The following CMTM4 variants were observed in gnomAD, a reference collection of about 807,000 sequenced individuals.
The protein encoded by CMTM4 is CKLF-like MARVEL transmembrane domain-containing protein 4.
Under a neutral mutation model 19.0 loss-of-function variants are expected in CMTM4, and 8 were observed. The observed-to-expected ratio is 0.42, with a 90% CI of 0.25 to 0.76. CMTM4 has a LOEUF of 0.76. CMTM4 is among the 30% of genes least tolerant of loss of function. The probability of loss-of-function intolerance (pLI) is 0.27; values close to 1 mark genes in which losing one functional copy is unlikely to be tolerated. For missense variants in CMTM4, 228 were observed against 290.2 expected, an observed-to-expected ratio of 0.79 and a Z score of 1.56; for synonymous variants, 106 against 121.1, an observed-to-expected ratio of 0.88 and a Z score of 0.82.
intron 2 of CMTM4, among the ~76,000 whole-genome samples, chr16:66,629,000 G>C (rs761256540): frequency 1.3e-5 from 2 of 152,032 alleles, no homozygotes; most frequent in African/African-American, 2.4e-5. Flanking sequence ...TCTAGTTTTT[G>C]GGGTTTTTTT....
At chr16:66,627,071 G>A (rs147858384) in intron 2 of CMTM4, among the ~76,000 whole-genome samples, 1 of 152,198 alleles carries the variant, frequency 6.6e-6, no homozygotes, top group African/African-American at 2.4e-5. Context: ...CCTCTGCACT[G>A]CAGCCTGGGG....
intron 1 of CMTM4, among the ~76,000 whole-genome samples, chr16:66,648,101 A>G (rs2016240426): frequency 6.6e-6 from 1 of 152,198 alleles, no homozygotes; most frequent in Non-Finnish European, 1.5e-5. Flanking sequence ...GTGGGGCCAC[A>G]AGACTACTTC....
At chr16:66,677,405 T>TGCA (rs556118155) in intron 1 of CMTM4, among the ~76,000 whole-genome samples, 158 of 152,328 alleles carry the variant, frequency 1.0e-3, no homozygotes, top group African/African-American at 3.6e-3. Context: ...GCAGCGGCCT[T>TGCA]GCAGCAGCAG....
intron 1 of CMTM4, among the ~76,000 whole-genome samples, chr16:66,663,081 A>G (rs903537655): frequency 2.0e-5 from 3 of 152,222 alleles, no homozygotes; most frequent in African/African-American, 7.2e-5. Context: ...TTCAACCCAC[A>G]GAAGACTGAC....
chr16:66,610,155 A>G (rs1261187741), downstream of CMTM4: 12 of 949,008 alleles, frequency 1.3e-5, no homozygotes, highest in Admixed American at 3.0e-4. The surrounding 1 kb of genome is among the most constrained non-coding windows in gnomAD (Gnocchi z 4.6). Flanking sequence ...ACCCTCATGC[A>G]GCACTGATCC....
intron 1 of CMTM4, among the ~76,000 whole-genome samples, chr16:66,647,259 G>GTGTA (rs2016221529): frequency 6.7e-6 from 1 of 150,278 alleles, no homozygotes; most frequent in South Asian, 2.1e-4. Flanking sequence ...GGGAGGCGGA[G>GTGTA]GTTACAGTGA....
chr16:66,682,636 A>G (rs1265744454), intron 1 of CMTM4, among the ~76,000 whole-genome samples: 2 of 152,198 alleles, frequency 1.3e-5, no homozygotes, highest in Non-Finnish European at 2.9e-5. Context: ...CTGGCTTAAC[A>G]GTATTTCCCA....
the CMTM4 span, chr16:66,604,938 C>G: frequency 2.9e-4 from 437 of 1,503,092 alleles, no homozygotes; most frequent in Non-Finnish European, 3.4e-4. Flanking sequence ...AGGCCGCCTC[C>G]TGCTGGCCGA....
intron 2 of CMTM4, among the ~76,000 whole-genome samples, chr16:66,625,418 G>A (rs2015716792): frequency 6.9e-6 from 1 of 143,912 alleles, no homozygotes. Context: ...TAGGCAACAA[G>A]AGCGAAACTC....
At chr16:66,613,182 G>T, downstream of CMTM4, 2 of 701,312 alleles carry the variant, frequency 2.9e-6, no homozygotes, top group Non-Finnish European at 2.6e-6. Flanking sequence ...TTGAAGCAGG[G>T]AGAAATTGAC....
downstream of CMTM4, chr16:66,612,549 C>T (rs377148414): frequency 2.0e-4 from 313 of 1,577,430 alleles, no homozygotes; most frequent in Middle Eastern, 2.3e-3. This position sits in a 1 kb window ranked among gnomAD's most constrained non-coding sequence, Gnocchi z 6.0. Flanking sequence ...CCCCAGAGAC[C>T]GTTCCCAGGC....
intron 1 of CMTM4, among the ~76,000 whole-genome samples, chr16:66,682,022 C>T (rs1474284692): frequency 6.6e-6 from 1 of 152,316 alleles, no homozygotes; most frequent in East Asian, 1.9e-4. Context: ...GCCTCTATCA[C>T]AGCCCCTGGC....
chr16:66,691,959 G>C (rs1265086293), intron 1 of CMTM4, among the ~76,000 whole-genome samples: 2 of 152,182 alleles, frequency 1.3e-5, no homozygotes, highest in Non-Finnish European at 2.9e-5. Flanking sequence ...AATACGGTAG[G>C]TACTAACTTA....
At chr16:66,645,680 G>A (rs547867827) in intron 1 of CMTM4, among the ~76,000 whole-genome samples, 215 of 151,058 alleles carry the variant, frequency 1.4e-3, no homozygotes, top group South Asian at 1.5e-3. Flanking sequence ...ACTGTGTGTC[G>A]TATTAAAAAG....
downstream of CMTM4, chr16:66,613,060 A>G: frequency 1.4e-6 from 1 of 703,012 alleles, no homozygotes; most frequent in Non-Finnish European, 2.6e-6. Context: ...CTGCCCCGCC[A>G]GGCCCCGGTG....
downstream of CMTM4, chr16:66,609,835 G>A (rs199547700): frequency 9.6e-5 from 155 of 1,614,168 alleles, 1 homozygote; most frequent in East Asian, 2.7e-3. The surrounding 1 kb of genome is among the most constrained non-coding windows in gnomAD (Gnocchi z 4.4). Context: ...GCAGCCTCCC[G>A]GAGCAGGGAG....
In CMTM4 at chr16:66,696,400, G is replaced by A. The variant is rs1007286562; in HGVS notation, c.126C>T (p.Gly42=). 4 of 1,413,592 alleles carry A rather than the reference G, an allele frequency of 2.8e-6. No individual in the cohort carries two copies. The highest frequency in any genetic ancestry group is 2.8e-5 in the Admixed American group (1 of 35,228). The allele number at this position is 1,413,592 out of a possible 1,614,324, so 87.6% of individuals were successfully genotyped here. A position where few individuals can be genotyped will look rare whatever the true frequency, so the allele number is the denominator to read the frequency against. Residue 42 remains glycine (G), a synonymous_variant, in exon 1 of 4, where the codon GGC becomes GGT. Transcript: ENST00000394106. This position sits in a 1 kb window ranked among gnomAD's most constrained non-coding sequence, Gnocchi z 4.3. ...GCAGGTAGTCGGGGTCGCAGCGCAG[G>A]CCGGCCAGCCCGCGGCGCTGGCTCA... ...EPVSQRRGLA[G]LRCDPDYLRG...
rs1198722686 is a variant in CMTM4, at chr16:66,617,321, A to G, written c.*4737T>C. ...TTCAAACTCAGCAGGTTTGTGGGTG[A>G]TTTTTTCCTTACTGTTACGTTTGTG... On this transcript the variant is annotated 3_prime_UTR_variant, in exon 4 of 4. Coordinates refer to ENST00000394106, the MANE Select transcript of CMTM4 (RefSeq NM_181521.3). 3.1e-6 allele frequency: 5 copies of G among 1,614,082 alleles called. No individual in the cohort carries two copies. In the Admixed American group the frequency reaches 8.3e-5, roughly 27 times the overall value.
In CMTM4 at chr16:66,615,779, C is replaced by G. The variant is rs1217007874; in HGVS notation, c.*6279G>C. 6.6e-6 allele frequency: 1 copy of G among 152,252 alleles called. No homozygotes were observed. Among genetic ancestry groups the G allele is most frequent in the Non-Finnish European group, 1.5e-5 (1 of 68,066 alleles). 9.4% of individuals were successfully genotyped at this position (152,252 alleles called of 1,614,324 possible). ...GACACCGGCCTCTCACCATTTTACA[C>G]CCAAAGACAGGAGGTCAGGGCTCTG... On this transcript the variant is annotated 3_prime_UTR_variant, in exon 4 of 4. Transcript: ENST00000394106. The surrounding 1 kb of genome is among the most constrained non-coding windows in gnomAD (Gnocchi z 4.9).
Sources: allele counts gnomAD v4.1 joint callset (sites outside exome capture counted in the v4.1 genomes callset), GRCh38; gene constraint gnomAD v4.1.1; non-coding constraint Gnocchi (gnomAD v3.1); transcripts MANE v1.5; gene names NCBI Gene and HGNC (gene_info 2026-07-23, HGNC 2026-07-21).